The following KCNJ18 variants were observed in gnomAD, a reference collection of about 807,000 sequenced individuals.
KCNJ18 encodes the protein inward rectifier potassium channel 18.
A neutral mutation model predicts 17.3 loss-of-function variants in KCNJ18; 16 were observed. The ratio of observed to expected loss-of-function variants is 0.92; its 90% CI spans 0.62 to 1.40. The LOEUF (loss-of-function observed/expected upper bound fraction) is 1.40. Among genes scored for constraint, KCNJ18 ranks in the 40% most tolerant of loss-of-function variants. The probability of loss-of-function intolerance (pLI) is 0.00; values close to 1 mark genes in which losing one functional copy is unlikely to be tolerated. For synonymous variants in KCNJ18, 185 were observed against 262.6 expected, an observed-to-expected ratio of 0.70 and a Z score of 2.86; for missense variants, 462 against 626.8, an observed-to-expected ratio of 0.74 and a Z score of 2.81.
chr17:21,694,304 C>A (rs1428297220), intron 1 of KCNJ18, among the ~76,000 whole-genome samples: 1 of 151,872 alleles, frequency 6.6e-6, no homozygotes, highest in Non-Finnish European at 1.5e-5. Context: ...TCCTCAGAGC[C>A]CCTTCCCACC....
In KCNJ18 at chr17:21,703,578, G is replaced by C. The variant is rs1398480761; in HGVS notation, c.792G>C (p.Leu264=). Residue 264 remains leucine (L), a synonymous_variant, in exon 3 of 3, where the codon CTG becomes CTC. Transcript: ENST00000567955. ...GFDKGLDRIF[L]VSPITILHEI... ...ACAAGGGCCTGGACCGCATCTTTCT[G>C]GTGTCGCCCATCACCATCTTGCATG... The C allele has an allele frequency of 6.2e-7, 1 of 1,612,292 alleles. No homozygotes were observed. The highest frequency in any genetic ancestry group is 1.7e-5 in the Admixed American group (1 of 59,908).
chr17:21,698,132 AG>A (rs1905825250), intron 2 of KCNJ18, among the ~76,000 whole-genome samples: 1 of 151,846 alleles, frequency 6.6e-6, no homozygotes, highest in African/African-American at 2.4e-5. Flanking sequence ...CTGGGATTGC[AG>A]GGGCTTGGGA....
At position 21,702,860 on chromosome 17, in the gene KCNJ18, T is replaced by G. The variant is rs1906011836; in HGVS notation, c.74T>G (p.Met25Arg). The change falls in exon 3 of 3, where the codon ATG becomes AGG. Residue 25 changes from methionine (M) to arginine (R), a missense_variant. Physicochemically the swap from Met to Arg is moderately conservative, Grantham distance 91. Transcript: ENST00000567955. ...GAGGACGGGCTGCACCTGGTCACCATGTCGGGCGCCAACGGCTTCGGCAAC... is the reference window on the plus strand; with the variant it reads ...GAGGACGGGCTGCACCTGGTCACCAGGTCGGGCGCCAACGGCTTCGGCAAC... ...LEEDGLHLVTMSGANGFGNGK... is the reference protein window; with the variant it reads ...LEEDGLHLVTRSGANGFGNGK... The G allele has an allele frequency of 6.2e-7, 1 of 1,600,580 alleles. No homozygotes were observed. The highest frequency in any genetic ancestry group is 8.5e-7 in the Non-Finnish European group (1 of 1,177,900).
At chr17:21,697,893 G>T (rs1355896545) in intron 2 of KCNJ18, among the ~76,000 whole-genome samples, 1 of 152,312 alleles carries the variant, frequency 6.6e-6, no homozygotes, top group Non-Finnish European at 1.5e-5. Flanking sequence ...GCTGAGGAAT[G>T]GTGCTTGCCT....
chr17:21,694,135 T>A lies in KCNJ18; in HGVS notation c.-179+1421T>A, dbSNP rs1905687397. On this transcript the variant is annotated intron_variant, in intron 1 of 2. Coordinates refer to ENST00000567955, the MANE Select transcript of KCNJ18 (RefSeq NM_001194958.2). ...ACTGTCACCTGTCCCAGGAGGCTGA[T>A]GATGTGGGGGTGACTCACCAACAGT... 4.6e-5 allele frequency among the ~76,000 whole-genome samples: 7 copies of A among 152,104 alleles called. 1 individual carries two copies. The highest frequency in any genetic ancestry group is 4.6e-4 in the Admixed American group (7 of 15,270).
intron 1 of KCNJ18, among the ~76,000 whole-genome samples, chr17:21,695,704 G>A (rs1905738944): frequency 6.6e-6 from 1 of 152,306 alleles, no homozygotes; most frequent in Non-Finnish European, 1.5e-5. Flanking sequence ...TATGTAAAAT[G>A]CCTACTATAG....
intron 2 of KCNJ18, among the ~76,000 whole-genome samples, chr17:21,696,716 TGGAGGAGGC>T (rs1359382959): frequency 1.3e-4 from 20 of 149,430 alleles, no homozygotes; most frequent in African/African-American, 4.2e-4. Flanking sequence ...GAGGAGGAGG[TGGAGGAGGC>T]GGAGGAGAAG....
Position 21,703,386 on chromosome 17 carries a change from C to G in KCNJ18, c.600C>G (p.Ala200=), listed in dbSNP as rs1420286074. ...AGACGCTGCTGTTCAGCCACAACGCCGTGGTGGCCCTGCGTGACGGCAAGC... is the reference window on the plus strand; with the variant it reads ...AGACGCTGCTGTTCAGCCACAACGCGGTGGTGGCCCTGCGTGACGGCAAGC... The part of the protein sequence containing the change: ...RAQTLLFSHN[A]VVALRDGKLC... Residue 200 remains alanine (A), a synonymous_variant, in exon 3 of 3, where the codon GCC becomes GCG. Transcript: ENST00000567955. The G allele has an allele frequency of 6.2e-7, 1 of 1,610,524 alleles. No individual in the cohort carries two copies. Among genetic ancestry groups the G allele is most frequent in the Non-Finnish European group, 8.5e-7 (1 of 1,179,058 alleles).
In KCNJ18 at chr17:21,703,068, C is replaced by T. The variant is rs1906022574; in HGVS notation, c.282C>T (p.Ser94=). 7 of 1,613,184 alleles carry T rather than the reference C, an allele frequency of 4.3e-6. No individual in the cohort carries two copies. The East Asian group carries it at 1.1e-4, about 26-fold the overall frequency. Residue 94 remains serine (S), a synonymous_variant, in exon 3 of 3, where the codon TCC becomes TCT. Coordinates refer to ENST00000567955, the MANE Select transcript of KCNJ18 (RefSeq NM_001194958.2). ...LLIFSLAFLA[S]WLLFGVIFWV... ...TCTTCTCGCTGGCCTTCCTTGCCTCCTGGCTGCTGTTCGGCGTCATCTTCT... is the reference window on the plus strand; with the variant it reads ...TCTTCTCGCTGGCCTTCCTTGCCTCTTGGCTGCTGTTCGGCGTCATCTTCT...
At position 21,703,950 on chromosome 17, in the gene KCNJ18, G is replaced by A. The variant is rs1906071480; in HGVS notation, c.1164G>A (p.Glu388=). 2 of 1,609,406 alleles carry A rather than the reference G, an allele frequency of 1.2e-6. No homozygotes were observed. The highest frequency in any genetic ancestry group is 3.5e-4 in the Middle Eastern group (2 of 5,714). ...AGCTGGCCTTCCTGAGCCGTGACGA[G>A]GAGGATGAGGCGGACGGAGACCAGG... ...ENELAFLSRD[E]EDEADGDQDG... Residue 388 remains glutamate (E), a synonymous_variant, in exon 3 of 3, where the codon GAG becomes GAA. Transcript: ENST00000567955.
At position 21,703,015 on chromosome 17, in the gene KCNJ18, G is replaced by A. The variant is rs1158448538; in HGVS notation, c.229G>A (p.Asp77Asn). The A allele has an allele frequency of 3.7e-6, 6 of 1,612,218 alleles. No individual in the cohort carries two copies. Among genetic ancestry groups the A allele is most frequent in the Admixed American group, 1.7e-5 (1 of 59,834 alleles). The change falls in exon 3 of 3, where the codon GAC (aspartate) becomes AAC (asparagine). Residue 77 changes from aspartate (D) to asparagine (N), a missense_variant. This residue lies in a region of KCNJ18 where 237 missense variants were observed against 259.4 expected (regional missense o/e 0.91). Transcript: ENST00000567955. Reference sequence around the variant, plus strand: ...GGCTGACATGTTCACCACCTGTGTGGACATCCGCTGGCGCTACATGCTGCT... The same window carrying A: ...GGCTGACATGTTCACCACCTGTGTGAACATCCGCTGGCGCTACATGCTGCT... ...YLADMFTTCVDIRWRYMLLIF... is the reference protein window; with the variant it reads ...YLADMFTTCVNIRWRYMLLIF...
Position 21,697,939 on chromosome 17 carries a change from C to T in KCNJ18, c.-57+1835C>T, listed in dbSNP as rs1257194905. Among the ~76,000 whole-genome samples, 18 of 152,402 alleles carry T rather than the reference C, an allele frequency of 1.2e-4. No individual in the cohort carries two copies. In the East Asian group the frequency reaches 2.1e-3, roughly 18 times the overall value. ...GGAGCAGGCACCTTGGGCGGGGAGG[C>T]GTGTGCCAGCCTTCCCTGCATTGAG... On this transcript the variant is annotated intron_variant, in intron 2 of 2. Coordinates refer to ENST00000567955, the MANE Select transcript of KCNJ18 (RefSeq NM_001194958.2).
In KCNJ18 at chr17:21,693,717, C is replaced by G. The variant is rs1277707583; in HGVS notation, c.-179+1003C>G. On this transcript the variant is annotated intron_variant, in intron 1 of 2. Coordinates refer to ENST00000567955, the MANE Select transcript of KCNJ18 (RefSeq NM_001194958.2). ...TCGGGGAAGGGGGTGGACCCAAGTCCCTGCCGTGGAGGTCCCCAGCTGTTT... is the reference window on the plus strand; with the variant it reads ...TCGGGGAAGGGGGTGGACCCAAGTCGCTGCCGTGGAGGTCCCCAGCTGTTT... 3.9e-5 allele frequency among the ~76,000 whole-genome samples: 6 copies of G among 152,302 alleles called. No homozygotes were observed. In the South Asian group the frequency reaches 1.2e-3, roughly 31 times the overall value.
chr17:21,694,272 G>T (rs1457650001), intron 1 of KCNJ18, among the ~76,000 whole-genome samples: 18 of 152,054 alleles, frequency 1.2e-4, no homozygotes, highest in Non-Finnish European at 2.5e-4. Context: ...TGAGAAGCAT[G>T]TCAGGTGGCT....
At position 21,702,879 on chromosome 17, in the gene KCNJ18, C is replaced by A. The variant is rs1230923343; in HGVS notation, c.93C>A (p.Phe31Leu). The A allele has an allele frequency of 3.1e-6, 5 of 1,599,540 alleles. No homozygotes were observed. Among genetic ancestry groups the A allele is most frequent in the Non-Finnish European group, 3.4e-6 (4 of 1,176,856 alleles). The change falls in exon 3 of 3, where the codon TTC (phenylalanine) becomes TTA (leucine). Residue 31 changes from phenylalanine to leucine, a missense_variant. By Grantham distance (22) the Phe-to-Leu change is conservative. Transcript: ENST00000567955. ...TCACCATGTCGGGCGCCAACGGCTT[C>A]GGCAACGGCAAGGTGCACACGCGGC... ...HLVTMSGANG[F>L]GNGKVHTRRR... is the part of the protein sequence containing the mutation.
chr17:21,693,354 G>T (rs1167711439), intron 1 of KCNJ18, among the ~76,000 whole-genome samples: 1 of 152,298 alleles, frequency 6.6e-6, no homozygotes, highest in African/African-American at 2.4e-5. Flanking sequence ...CTGGATTTGT[G>T]GTCTGGGGAA....
rs1404034688 is a variant in KCNJ18 at position 21,696,795 on chromosome 17, C to G, written c.-57+691C>G. Among the ~76,000 whole-genome samples the G allele has an allele frequency of 2.0e-3, 300 of 149,006 alleles. 1 individual carries two copies. The highest frequency in any genetic ancestry group is 7.0e-3 in the Middle Eastern group (2 of 286). ...GAAGAGCAGGAGGAGACTTGGTGTA[C>G]AGCATCCAGGAGGGGAGGCCAGGGT... On this transcript the variant is annotated intron_variant, in intron 2 of 2. Transcript: ENST00000567955.
In KCNJ18 at chr17:21,701,277, G is replaced by A. The variant is rs1905940714; in HGVS notation, c.-56-1454G>A. ...CTGCGGGGCCTGTCTTGGGGTGCCT[G>A]AATGTGCAGTAGGCTGGCCTGGAGC... On this transcript the variant is annotated intron_variant, in intron 2 of 2. Transcript: ENST00000567955. Among the ~76,000 whole-genome samples the A allele has an allele frequency of 3.3e-5, 5 of 152,426 alleles. No individual in the cohort carries two copies. The South Asian group carries it at 1.0e-3, about 32-fold the overall frequency.
intron 1 of KCNJ18, among the ~76,000 whole-genome samples, chr17:21,694,744 C>T (rs1166491341): frequency 6.6e-6 from 1 of 152,100 alleles, no homozygotes; most frequent in Non-Finnish European, 1.5e-5. Context: ...ACTCATCCAC[C>T]TGTCCATCTA....
Sources: allele counts gnomAD v4.1 joint callset (sites outside exome capture counted in the v4.1 genomes callset), GRCh38; gene constraint gnomAD v4.1.1; regional missense constraint gnomAD v4.1.1; transcripts MANE v1.5; gene names NCBI Gene and HGNC (gene_info 2026-07-23, HGNC 2026-07-21).